Variants in CTNNA2 observed in about 807,000 individuals in gnomAD.
CTNNA2 encodes the protein catenin alpha 2.
CTNNA2 carries 42 observed loss-of-function variants against 101.0 expected under a neutral mutation model. The observed-to-expected ratio is 0.42, with a 90% confidence interval of 0.32 to 0.54. The LOEUF is 0.54. Among genes scored for constraint, CTNNA2 ranks in the 20% least tolerant of loss-of-function variants. The pLI is 0.14. For missense variants in CTNNA2, 871 were observed against 1,223.1 expected, an observed-to-expected ratio of 0.71 and a Z score of 4.29; for synonymous variants, 450 against 456.4, an observed-to-expected ratio of 0.99 and a Z score of 0.18.
rs1045437305 is a variant in CTNNA2, at chr2:79,305,383, T to C, written c.-405-7326T>C. Among the ~76,000 whole-genome samples the C allele has an allele frequency of 8.8e-5, 13 of 148,438 alleles. No individual in the cohort carries two copies. In the East Asian group the frequency reaches 1.8e-3, roughly 20 times the overall value. On this transcript the variant is annotated intron_variant, in intron 2 of 21. Coordinates refer to the CTNNA2 transcript ENST00000466387. ...ATACATATATATACACATATATATA[T>C]ATATATATTTCTGCATGTATACAGG...
At chr2:80,557,576 C>T (rs2149663942) in intron 12 of CTNNA2, among the ~76,000 whole-genome samples, 1 of 152,254 alleles carries the variant, frequency 6.6e-6, no homozygotes, top group East Asian at 1.9e-4. Flanking sequence ...AGTTCCTGCC[C>T]ACTCATGACT....
At chr2:80,394,747 C>G (rs1348186604) in intron 8 of CTNNA2, among the ~76,000 whole-genome samples, 1 of 149,808 alleles carries the variant, frequency 6.7e-6, no homozygotes, top group Non-Finnish European at 1.5e-5. Context: ...AATAAGGAGC[C>G]AAACTAGATC....
Position 80,162,603 on chromosome 2 carries a change from C to T in CTNNA2, c.1057-230608C>T, listed in dbSNP as rs7605870. The T allele has an allele frequency of 2.2e-3, 3,528 of 1,610,926 alleles. 58 individuals are homozygous for T. The African/African-American group carries it at 0.033, about 15-fold the overall frequency. On this transcript the variant is annotated intron_variant, in intron 7 of 18. Transcript: ENST00000402739. Reference sequence around the variant, plus strand: ...CCCATGATCAGTGTAACGCTGTTCCCGGCTATAATGTCTATCTGCTAGGTA... The same window carrying T: ...CCCATGATCAGTGTAACGCTGTTCCTGGCTATAATGTCTATCTGCTAGGTA...
intron 7 of CTNNA2, among the ~76,000 whole-genome samples, chr2:80,391,235 C>G (rs1373618435): frequency 2.0e-5 from 3 of 152,020 alleles, no homozygotes; most frequent in African/African-American, 7.3e-5. Context: ...TATACTCCCT[C>G]TCTCCCTCTT....
chr2:79,753,829 A>G lies in CTNNA2; in HGVS notation c.298+9247A>G, dbSNP rs571571068. Among the ~76,000 whole-genome samples, 3 of 150,924 alleles carry G rather than the reference A, an allele frequency of 2.0e-5. No homozygotes were observed. The East Asian group carries it at 5.8e-4, about 29-fold the overall frequency. ...ACCTCAAATGTGAAGTGATATGGTGATATCAACAAGTTCCACTATTTTCTT... is the reference window on the plus strand; with the variant it reads ...ACCTCAAATGTGAAGTGATATGGTGGTATCAACAAGTTCCACTATTTTCTT... On this transcript the variant is annotated intron_variant, in intron 3 of 18. Transcript: ENST00000402739.
chr2:80,638,689 C>T (rs1011478245), intron 18 of CTNNA2, among the ~76,000 whole-genome samples: 1 of 152,120 alleles, frequency 6.6e-6, no homozygotes, highest in Non-Finnish European at 1.5e-5. Context: ...AATTTGTTGA[C>T]TATAATTAAG....
intron 1 of CTNNA2, among the ~76,000 whole-genome samples, chr2:79,542,296 G>A (rs551570989): frequency 6.6e-6 from 1 of 152,050 alleles, no homozygotes; most frequent in South Asian, 2.1e-4. Flanking sequence ...ATTACAAAAT[G>A]CACTATGTTA....
At chr2:79,609,445 T>G (rs1330613244) in intron 1 of CTNNA2, among the ~76,000 whole-genome samples, 1 of 152,068 alleles carries the variant, frequency 6.6e-6, no homozygotes, top group Non-Finnish European at 1.5e-5. Flanking sequence ...ATTGACAAGC[T>G]CATTTGATAA....
intron 9 of CTNNA2, among the ~76,000 whole-genome samples, chr2:80,532,744 T>C (rs1024085386): frequency 2.6e-5 from 4 of 152,208 alleles, no homozygotes; most frequent in African/African-American, 9.6e-5. Flanking sequence ...TGTGTGTGTT[T>C]TTTTTAAAGC....
At chr2:79,679,859 C>T (rs1683438111) in intron 2 of CTNNA2, among the ~76,000 whole-genome samples, 3 of 152,076 alleles carry the variant, frequency 2.0e-5, no homozygotes, top group African/African-American at 7.2e-5. Flanking sequence ...TCTCCCCGAT[C>T]CCCTATTGGA....
chr2:80,120,838 T>G (rs2148877615), intron 7 of CTNNA2, among the ~76,000 whole-genome samples: 1 of 152,234 alleles, frequency 6.6e-6, no homozygotes, highest in Admixed American at 6.5e-5. Context: ...TGGTTCAGAG[T>G]AGGAACCACT....
intron 2 of CTNNA2, among the ~76,000 whole-genome samples, chr2:79,271,009 G>A (rs1312035481): frequency 6.6e-6 from 1 of 152,074 alleles, no homozygotes; most frequent in Non-Finnish European, 1.5e-5. Context: ...GGAAAAGAAA[G>A]AGAAGCAAAA....
Position 79,442,555 on chromosome 2 carries a change from A to G in CTNNA2, c.-134-62499A>G, listed in dbSNP as rs1237495860. On this transcript the variant is annotated intron_variant, in intron 4 of 21. Coordinates refer to the CTNNA2 transcript ENST00000466387. ...AACTAGCCTTTCTAAATCCTTCTTT[A>G]TCTGTCCTTGCGGTTAAACTGAACT... Among the ~76,000 whole-genome samples, 5 of 152,150 alleles carry G rather than the reference A, an allele frequency of 3.3e-5. No individual in the cohort carries two copies. The East Asian group carries it at 5.8e-4, about 18-fold the overall frequency.
chr2:80,241,897 C>T (rs1350819819), intron 7 of CTNNA2, among the ~76,000 whole-genome samples: 1 of 152,252 alleles, frequency 6.6e-6, no homozygotes, highest in East Asian at 1.9e-4. Context: ...CTATTAGTTA[C>T]CGACTCAAGA....
At chr2:80,546,257 G>A (rs1198157830) in intron 11 of CTNNA2, among the ~76,000 whole-genome samples, 194 bp downstream of exon 11, 2 of 152,140 alleles carry the variant, frequency 1.3e-5, no homozygotes, top group African/African-American at 2.4e-5. Context: ...TTCAAGACAC[G>A]GAGTCAAGGC....
intron 1 of CTNNA2, among the ~76,000 whole-genome samples, chr2:79,548,469 G>A (rs1673879869): frequency 6.6e-6 from 1 of 152,048 alleles, no homozygotes; most frequent in African/African-American, 2.4e-5. Context: ...AAATGCTATT[G>A]TTAGAAATTG....
chr2:80,492,465 A>G (rs1316945687), intron 9 of CTNNA2, among the ~76,000 whole-genome samples: 1 of 152,226 alleles, frequency 6.6e-6, no homozygotes, highest in East Asian at 1.9e-4. Flanking sequence ...ACTATCCCTT[A>G]TACACATTCA....
intron 9 of CTNNA2, among the ~76,000 whole-genome samples, chr2:80,513,820 T>C (rs1435795795): frequency 6.6e-6 from 1 of 152,234 alleles, no homozygotes; most frequent in South Asian, 2.1e-4. Flanking sequence ...TTAGCAGAAC[T>C]AGTGATACCA....
At chr2:80,498,136 CA>C (rs1181938325) in intron 9 of CTNNA2, among the ~76,000 whole-genome samples, 1 of 151,918 alleles carries the variant, frequency 6.6e-6, no homozygotes, top group East Asian at 1.9e-4. Flanking sequence ...AAACAACAAC[CA>C]AAAAAACCAC....
Sources: allele counts gnomAD v4.1 joint callset (sites outside exome capture counted in the v4.1 genomes callset), GRCh38; gene constraint gnomAD v4.1.1; transcripts MANE v1.5; gene names NCBI Gene and HGNC (gene_info 2026-07-23, HGNC 2026-07-21).